Variants in DOK7 observed in about 807,000 individuals in gnomAD.
DOK7 encodes the protein protein Dok-7.
A neutral mutation model predicts 30.7 loss-of-function variants in DOK7; 32 were observed. That is an observed-to-expected ratio of 1.04 (90% confidence interval 0.79 to 1.40). The LOEUF is 1.40. Ranked by LOEUF, DOK7 falls within the 40% of genes most tolerant of loss-of-function variation. The pLI is 0.00. For missense variants in DOK7, 1,007 were observed against 699.2 expected, an observed-to-expected ratio of 1.44 and a Z score of -4.97; for synonymous variants, 447 against 324.1, an observed-to-expected ratio of 1.38 and a Z score of -4.07.
At position 3,476,384 on chromosome 4, in the gene DOK7, A is replaced by C; in HGVS notation, c.374A>C (p.Glu125Ala). Reference protein sequence around the residue: ...HVTVAPGTKLESGPATLHLCN... With the variant: ...HVTVAPGTKLASGPATLHLCN... ...ACAGTGGCTCCAGGCACCAAGTTGGAGAGCGGCCCGGCTACCCTGCACCTC... is the reference window on the plus strand; with the variant it reads ...ACAGTGGCTCCAGGCACCAAGTTGGCGAGCGGCCCGGCTACCCTGCACCTC... The change falls in exon 4 of 7, where the codon GAG becomes GCG. Residue 125 changes from glutamate (E) to alanine (A), a missense_variant. Coordinates refer to ENST00000340083, the MANE Select transcript of DOK7 (RefSeq NM_173660.5). The C allele has an allele frequency of 1.9e-6, 3 of 1,611,924 alleles. No homozygotes were observed. Among genetic ancestry groups the C allele is most frequent in the Non-Finnish European group, 2.5e-6 (3 of 1,179,722 alleles).
intron 4 of DOK7, chr4:3,484,672 G>A (rs955346279): frequency 2.6e-5 from 26 of 985,436 alleles, no homozygotes; most frequent in Non-Finnish European, 3.1e-5. Context: ...GGTCCCTGGG[G>A]GCCCTCCTGC....
chr4:3,469,063 A>AGTGT (rs34539219), intron 2 of DOK7, among the ~76,000 whole-genome samples: 1 of 142,716 alleles, frequency 7.0e-6, no homozygotes. Context: ...TGTGTGCATT[A>AGTGT]GTGTGTGTGC....
chr4:3,483,677 T>A (rs1373756016), intron 4 of DOK7, among the ~76,000 whole-genome samples: 1 of 152,180 alleles, frequency 6.6e-6, no homozygotes, highest in Non-Finnish European at 1.5e-5. Flanking sequence ...GGGGGACTCA[T>A]TGTCCCGTGG....
intron 4 of DOK7, among the ~76,000 whole-genome samples, chr4:3,477,048 G>T (rs1165210359): frequency 6.7e-6 from 1 of 148,822 alleles, no homozygotes; most frequent in East Asian, 2.0e-4. Flanking sequence ...AGTCCTCTGG[G>T]CCTGTGAAGG....
chr4:3,496,061 C>T (rs1045110171), downstream of DOK7, among the ~76,000 whole-genome samples: 5 of 152,224 alleles, frequency 3.3e-5, no homozygotes, highest in East Asian at 5.8e-4. Context: ...TTCTAGCTGC[C>T]GGCTGCCGGA....
chr4:3,498,930 G>C (rs1035219019), downstream of DOK7, among the ~76,000 whole-genome samples: 1 of 152,208 alleles, frequency 6.6e-6, no homozygotes, highest in African/African-American at 2.4e-5. Flanking sequence ...GCTCCATCTC[G>C]CTCTGTCCCA....
chr4:3,494,513 C>T, downstream of DOK7: 2 of 985,622 alleles, frequency 2.0e-6, no homozygotes, highest in Non-Finnish European at 2.4e-6. Context: ...GCCCAGCCCT[C>T]TCCGCCTCCT....
At chr4:3,488,071 G>A (rs1443815626) in intron 5 of DOK7, among the ~76,000 whole-genome samples, 3 of 152,254 alleles carry the variant, frequency 2.0e-5, no homozygotes, top group Non-Finnish European at 4.4e-5. Flanking sequence ...AGCCTTGGCT[G>A]CCATCGCCTT....
chr4:3,469,532 C>G (rs1726628634), intron 2 of DOK7, among the ~76,000 whole-genome samples: 1 of 152,092 alleles, frequency 6.6e-6, no homozygotes, highest in African/African-American at 2.4e-5. Context: ...TGAGAGACTC[C>G]CAGGTGCCCA....
chr4:3,501,005 G>A (rs1027759261), exon 8 of DOK7: 4 of 968,804 alleles, frequency 4.1e-6, no homozygotes, highest in Non-Finnish European at 5.9e-6. Context: ...CCACGGCCAG[G>A]CCTCCTGCCT....
chr4:3,463,468 GC>G, intron 1 of DOK7, 37 bp from the exon 2 acceptor site: 1 of 1,432,490 alleles, frequency 7.0e-7, no homozygotes. Flanking sequence ...GGGGGCGCGG[GC>G]GCGGGCGGCG....
Position 3,493,945 on chromosome 4 carries a change from C to T in DOK7, c.*444C>T. ...TGGGGCAGTCACACCACCTGTTAAGCATCAAGCTACCACAGAGGCTCCGGC... is the reference window on the plus strand; with the variant it reads ...TGGGGCAGTCACACCACCTGTTAAGTATCAAGCTACCACAGAGGCTCCGGC... On this transcript the variant is annotated 3_prime_UTR_variant, in exon 7 of 7. Transcript: ENST00000340083. 1 of 1,012,666 alleles carries T rather than the reference C, an allele frequency of 9.9e-7. No homozygotes were observed. Among genetic ancestry groups the T allele is most frequent in the Non-Finnish European group, 1.2e-6 (1 of 848,788 alleles). The allele number at this position is 1,012,666 out of a possible 1,614,324, so 62.7% of individuals were successfully genotyped here. A position where few individuals can be genotyped will look rare whatever the true frequency, so the allele number is the denominator to read the frequency against.
chr4:3,489,915 T>G, intron 6 of DOK7, 119 bp downstream of exon 6: 2 of 1,427,824 alleles, frequency 1.4e-6, no homozygotes, highest in East Asian at 2.5e-5. Flanking sequence ...CATTCATTCC[T>G]TCTGTCTCCT....
intron 3 of DOK7, among the ~76,000 whole-genome samples, chr4:3,475,234 C>G (rs143359917): frequency 6.6e-6 from 1 of 152,376 alleles, no homozygotes; most frequent in African/African-American, 2.4e-5. Context: ...CCTGGCTCAG[C>G]GGCATGGGTC....
chr4:3,485,464 T>G, intron 4 of DOK7, 75 bp from the exon 5 acceptor site: 1 of 1,410,736 alleles, frequency 7.1e-7, no homozygotes, highest in Non-Finnish European at 9.3e-7. Context: ...TGCTGCGGTT[T>G]CCTGTGTTCC....
In DOK7 at chr4:3,473,551, C is replaced by T. The variant is rs1445218808; in HGVS notation, c.246C>T (p.Cys82=). ...EGLVHTLAIV[C]LSQAIMLGFD... ...TGGTCCACACGCTGGCCATTGTCTG[C>T]CTGTCCCAGGCCATCATGCTGGGCT... Residue 82 remains cysteine (C), a synonymous_variant, in exon 3 of 7, where the codon TGC becomes TGT. Coordinates refer to ENST00000340083, the MANE Select transcript of DOK7 (RefSeq NM_173660.5). 1 of 1,610,858 alleles carries T rather than the reference C, an allele frequency of 6.2e-7. No homozygotes were observed. Among genetic ancestry groups the T allele is most frequent in the Non-Finnish European group, 8.5e-7 (1 of 1,179,514 alleles).
chr4:3,481,590 C>A (rs1293445300), intron 4 of DOK7, among the ~76,000 whole-genome samples: 1 of 152,104 alleles, frequency 6.6e-6, no homozygotes, highest in African/African-American at 2.4e-5. Context: ...AAGAAGCTGC[C>A]ACCTTGGGGG....
chr4:3,500,886 C>A, exon 8 of DOK7: 1 of 1,467,022 alleles, frequency 6.8e-7, no homozygotes, highest in East Asian at 2.5e-5. Context: ...TGGCCCCCGG[C>A]AGGCCAGCCC....
Position 3,493,285 on chromosome 4 carries a change from C to G in DOK7, c.1299C>G (p.Asp433Glu). The G allele has an allele frequency of 6.2e-7, 1 of 1,609,786 alleles. No homozygotes were observed. The highest frequency in any genetic ancestry group is 8.5e-7 in the Non-Finnish European group (1 of 1,178,680). ...GCCCCGGCAACAGTGCGGCCAGGGACTCAGGCGGCCAGACGTCCGCCGGGT... is the reference window on the plus strand; with the variant it reads ...GCCCCGGCAACAGTGCGGCCAGGGAGTCAGGCGGCCAGACGTCCGCCGGGT... ...QGSPGNSAARDSGGQTSAGCP... is the reference protein window; with the variant it reads ...QGSPGNSAARESGGQTSAGCP... The change falls in exon 7 of 7, where the codon GAC becomes GAG. Residue 433 changes from aspartate (D) to glutamate (E), a missense_variant. Transcript: ENST00000340083.
Sources: gnomAD v4.1 joint callset for allele counts (sites outside exome capture counted in the v4.1 genomes callset) on GRCh38, gnomAD v4.1.1 for gene constraint, MANE v1.5 for transcripts, NCBI Gene and HGNC (gene_info 2026-07-23, HGNC 2026-07-21) for gene names.